The following PSPH variants were observed in gnomAD, a reference collection of about 807,000 sequenced individuals.
The protein encoded by PSPH is phosphoserine phosphatase, also known as L-3-phosphoserine phosphatase.
PSPH carries 16 observed loss-of-function variants against 23.4 expected under a neutral mutation model. That is an observed-to-expected ratio of 0.68 (90% confidence interval 0.46 to 1.04). The LOEUF (loss-of-function observed/expected upper bound fraction) is 1.04, where lower values mean the gene tolerates loss of function less well. Ranked by LOEUF, PSPH falls within the 50% of genes least tolerant of loss-of-function variation. The probability of loss-of-function intolerance (pLI) is 0.00; values close to 1 mark genes in which losing one functional copy is unlikely to be tolerated. For synonymous variants in PSPH, 68 were observed against 99.7 expected, an observed-to-expected ratio of 0.68 and a Z score of 1.89; for missense variants, 223 against 273.7, an observed-to-expected ratio of 0.81 and a Z score of 1.31.
At chr7:56,037,845 T>C (rs1250122641) in intron 1 of PSPH, among the ~76,000 whole-genome samples, 2 of 150,730 alleles carry the variant, frequency 1.3e-5, no homozygotes, top group Admixed American at 1.3e-4. Context: ...CCCAAGTAGG[T>C]GGGATTACAA....
At chr7:56,034,979 C>T (rs1377174220) in intron 1 of PSPH, among the ~76,000 whole-genome samples, 1 of 152,068 alleles carries the variant, frequency 6.6e-6, no homozygotes, top group African/African-American at 2.4e-5. Context: ...TCAAGCGATC[C>T]TTCCTCCTTG....
chr7:56,037,705 AATTTTTTT>A (rs755288217), intron 1 of PSPH, among the ~76,000 whole-genome samples: 3 of 139,564 alleles, frequency 2.1e-5, no homozygotes, highest in Non-Finnish European at 4.6e-5. Context: ...TAAGCTAACA[AATTTTTTT>A]TTTTTTTTTT....
intron 6 of PSPH, among the ~76,000 whole-genome samples, chr7:56,016,203 A>G (rs1788530508): frequency 6.6e-6 from 1 of 151,490 alleles, no homozygotes; most frequent in African/African-American, 2.4e-5. Context: ...GTTTGAGACC[A>G]GCGTGACCAA....
At chr7:56,017,402 C>T in intron 5 of PSPH, 23 bp from the exon 6 acceptor site, 2 of 1,595,982 alleles carry the variant, frequency 1.3e-6, no homozygotes, top group Non-Finnish European at 1.7e-6. Flanking sequence ...ATACAAAATA[C>T]CCAACACTGA....
At chr7:56,030,993 T>C (rs1790902425) in intron 3 of PSPH, among the ~76,000 whole-genome samples, 1 of 149,894 alleles carries the variant, frequency 6.7e-6, no homozygotes, top group Non-Finnish European at 1.5e-5. Context: ...GGGTGGATCA[T>C]GAGGTCAGGA....
intron 5 of PSPH, 138 bp downstream of exon 5, chr7:56,019,462 A>T (rs1789014692): frequency 8.7e-7 from 1 of 1,145,588 alleles, no homozygotes; most frequent in Non-Finnish European, 1.2e-6. Context: ...TTAAAAAAAT[A>T]ATTAAAAAAT....
intron 1 of PSPH, among the ~76,000 whole-genome samples, chr7:56,036,605 G>A (rs1183449272): frequency 6.6e-6 from 1 of 151,164 alleles, no homozygotes; most frequent in Non-Finnish European, 1.5e-5. Context: ...CTCCAGTCTG[G>A]GTAACAGAGC....
Position 56,045,941 on chromosome 7 carries a change from T to C in PSPH, c.-292+5197A>G, listed in dbSNP as rs557583456. Reference sequence around the variant, plus strand: ...GTCTCCTGTGTCAGAGACAAAGAACTTTATTGCTTACAGCACAGCAAGCAG... The same window carrying C: ...GTCTCCTGTGTCAGAGACAAAGAACCTTATTGCTTACAGCACAGCAAGCAG... On this transcript the variant is annotated intron_variant, in intron 1 of 7. Coordinates refer to ENST00000275605, the MANE Select transcript of PSPH (RefSeq NM_004577.4). 1.9e-4 allele frequency among the ~76,000 whole-genome samples: 29 copies of C among 149,944 alleles called. No homozygotes were observed. In the South Asian group the frequency reaches 5.5e-3, roughly 29 times the overall value.
intron 1 of PSPH, among the ~76,000 whole-genome samples, chr7:56,037,706 ATTTTTTTTTTTTTTT>A: frequency 8.7e-6 from 1 of 115,322 alleles, no homozygotes; most frequent in South Asian, 2.8e-4. Flanking sequence ...AAGCTAACAA[ATTTTTTTTTTTTTTT>A]TTTTTTTTTG....
intron 3 of PSPH, among the ~76,000 whole-genome samples, chr7:56,030,932 C>A (rs1004700921): frequency 6.6e-6 from 1 of 151,500 alleles, no homozygotes; most frequent in Non-Finnish European, 1.5e-5. Context: ...AACTGAGGGG[C>A]CGGGCGCGGT....
At chr7:56,036,843 C>G (rs1390500027) in intron 1 of PSPH, among the ~76,000 whole-genome samples, 1 of 152,070 alleles carries the variant, frequency 6.6e-6, no homozygotes, top group Non-Finnish European at 1.5e-5. Flanking sequence ...AGGAGGTAAT[C>G]TTGCCAGACA....
intron 2 of PSPH, among the ~76,000 whole-genome samples, chr7:56,032,692 T>C (rs1167134442): frequency 6.6e-6 from 1 of 151,260 alleles, no homozygotes; most frequent in Non-Finnish European, 1.5e-5. Flanking sequence ...GACTCACACC[T>C]GTAATCCCAG....
intron 3 of PSPH, among the ~76,000 whole-genome samples, chr7:56,030,258 C>T (rs751294557): frequency 6.6e-5 from 10 of 151,982 alleles, no homozygotes; most frequent in Non-Finnish European, 1.0e-4. Flanking sequence ...CAGAAGTGTG[C>T]GCCACCACAC....
intron 4 of PSPH, among the ~76,000 whole-genome samples, chr7:56,019,975 G>A (rs1217607202): frequency 3.3e-5 from 5 of 152,178 alleles, no homozygotes; most frequent in African/African-American, 1.2e-4. Flanking sequence ...CAAACACTTT[G>A]GGAAGCTGAG....
In PSPH at chr7:56,011,551, G is replaced by C. The variant is rs899510541; in HGVS notation, c.*211C>G. 5.9e-6 allele frequency: 2 copies of C among 339,586 alleles called. No individual in the cohort carries two copies. The highest frequency in any genetic ancestry group is 8.8e-5 in the Admixed American group (2 of 22,628). 21.0% of individuals were successfully genotyped at this position (339,586 alleles called of 1,614,324 possible). The stretch of plus-strand genomic sequence containing the variant: ...CTCAAAAAAAAAAAAAACCTCTCCA[G>C]GAAATCAATAGTCATCATATAATAC... On this transcript the variant is annotated 3_prime_UTR_variant, in exon 8 of 8. Transcript: ENST00000275605.
chr7:56,043,807 A>T (rs777204088), intron 1 of PSPH, among the ~76,000 whole-genome samples: 1 of 152,172 alleles, frequency 6.6e-6, no homozygotes. Flanking sequence ...CAGCCTGAGC[A>T]ACAGAGCAAG....
rs148163794 is a variant in PSPH, at chr7:56,040,384, T to C, written c.-291-6278A>G. Among the ~76,000 whole-genome samples the C allele has an allele frequency of 1.5e-3, 220 of 151,626 alleles. 3 individuals carry two copies. In the East Asian group the frequency reaches 0.02, roughly 14 times the overall value. On this transcript the variant is annotated intron_variant, in intron 1 of 7. Transcript: ENST00000275605. The stretch of plus-strand genomic sequence containing the variant: ...TAAAAAAGGAAACATTATTCATTTA[T>C]TTACTTATTTATTTTTATTTTTTTG...
intron 1 of PSPH, among the ~76,000 whole-genome samples, chr7:56,035,060 G>T (rs1262806461): frequency 6.6e-6 from 1 of 152,022 alleles, no homozygotes; most frequent in African/African-American, 2.4e-5. Context: ...AAATTTTCTG[G>T]CCAGGCGCGG....
intron 1 of PSPH, among the ~76,000 whole-genome samples, chr7:56,035,862 T>C (rs940190804): frequency 1.9e-4 from 29 of 151,794 alleles, no homozygotes; most frequent in Non-Finnish European, 4.0e-4. Flanking sequence ...TCAAATGATC[T>C]GCCCACCTCG....
Sources: allele counts gnomAD v4.1 joint callset (sites outside exome capture counted in the v4.1 genomes callset), GRCh38; gene constraint gnomAD v4.1.1; transcripts MANE v1.5; gene names NCBI Gene and HGNC (gene_info 2026-07-23, HGNC 2026-07-21).